The following GALNT15 variants were observed in gnomAD, a reference collection of about 807,000 sequenced individuals.
GALNT15 encodes the protein UDP-GalNAc transferase T15.
Under a neutral mutation model 66.8 loss-of-function variants are expected in GALNT15, and 67 were observed. The ratio of observed to expected loss-of-function variants is 1.00; its 90% CI spans 0.82 to 1.23. The LOEUF is 1.23. GALNT15 is among the 50% of genes most tolerant of loss of function. The pLI is 0.00. For missense variants in GALNT15, 827 were observed against 804.3 expected (o/e 1.03, Z -0.34); for synonymous variants, 313 against 311.5 (o/e 1.00, Z -0.05).
chr3:16,184,568 C>T lies in GALNT15; in HGVS notation c.539+8878C>T, dbSNP rs945803741. On this transcript the variant is annotated intron_variant, in intron 1 of 9. Transcript: ENST00000339732. This position sits in a 1 kb window ranked among gnomAD's most constrained non-coding sequence, Gnocchi z 5.0. ...TGATTTCACGTCCCTACATCCAGAA[C>T]GTCTCACTACAGCTGCTGAATAATG... Among the ~76,000 whole-genome samples the T allele has an allele frequency of 6.6e-6, 1 of 152,206 alleles. No individual in the cohort carries two copies.
At chr3:16,226,034 G>A (rs1210511503) in intron 9 of GALNT15, among the ~76,000 whole-genome samples, 2 of 149,042 alleles carry the variant, frequency 1.3e-5, no homozygotes, top group African/African-American at 4.9e-5. Flanking sequence ...GGGTGACAGA[G>A]CAAGACTCCT....
intron 6 of GALNT15, among the ~76,000 whole-genome samples, chr3:16,218,810 CTT>C (rs10538222): frequency 0.029 from 2,668 of 92,816 alleles, 31 homozygotes; most frequent in Middle Eastern, 0.078. Context: ...CTCTCTCTCT[CTT>C]TTTTTTTTTT....
downstream of GALNT15, chr3:16,232,005 A>T (rs78766429): frequency 9.0e-6 from 13 of 1,449,844 alleles, no homozygotes; most frequent in Non-Finnish European, 1.1e-5. Flanking sequence ...TGCTATCTTT[A>T]AAGTCATAAC....
At chr3:16,246,050 G>A in the GALNT15 span, among the ~76,000 whole-genome samples, 1 of 152,202 alleles carries the variant, frequency 6.6e-6, no homozygotes, top group East Asian at 1.9e-4. Flanking sequence ...CTTCAGCTTT[G>A]GATGGACCTT....
At chr3:16,194,747 G>A (rs1405734148) in intron 1 of GALNT15, among the ~76,000 whole-genome samples, 3 of 152,096 alleles carry the variant, frequency 2.0e-5, no homozygotes, top group Non-Finnish European at 2.9e-5. Flanking sequence ...ACCAAACACC[G>A]CATGTTCTCA....
rs2063483950 is a variant in GALNT15 at position 16,182,923 on chromosome 3, C to A, written c.539+7233C>A. 1 of 152,282 alleles carries A rather than the reference C, an allele frequency of 6.6e-6. No homozygotes were observed. Among genetic ancestry groups the A allele is most frequent in the Non-Finnish European group, 1.5e-5 (1 of 68,084 alleles). The allele number at this position is 152,282 out of a possible 1,614,324, so 9.4% of individuals were successfully genotyped here. A position where few individuals can be genotyped will look rare whatever the true frequency, so the allele number is the denominator to read the frequency against. On this transcript the variant is annotated intron_variant, in intron 1 of 9. Transcript: ENST00000339732. This position sits in a 1 kb window ranked among gnomAD's most constrained non-coding sequence, Gnocchi z 6.1. ...TCTATGACCTGCTATCAACTGCTCA[C>A]TTTTTGCATGTCTAAAGCTCACACT...
intron 6 of GALNT15, among the ~76,000 whole-genome samples, chr3:16,214,870 C>G (rs1546377): frequency 0.71 from 107,958 of 152,102 alleles, 38,564 homozygotes; most frequent in South Asian, 0.79. Context: ...CAGGGAGCAA[C>G]TGGCCTTCTA....
chr3:16,232,518 A>ATATATAT (rs1484870263), downstream of GALNT15, among the ~76,000 whole-genome samples: 105 of 113,260 alleles, frequency 9.3e-4, 8 homozygotes, highest in Non-Finnish European at 1.3e-3. Flanking sequence ...ATATTTATTT[A>ATATATAT]AAAGAGACAT....
At chr3:16,206,332 A>C (rs1212589169) in intron 3 of GALNT15, among the ~76,000 whole-genome samples, 4 of 150,914 alleles carry the variant, frequency 2.7e-5, no homozygotes, top group Non-Finnish European at 5.9e-5. Context: ...CAGTGAGCGC[A>C]GATTGTGCCA....
At chr3:16,213,051 G>A in intron 6 of GALNT15, among the ~76,000 whole-genome samples, 1 of 152,110 alleles carries the variant, frequency 6.6e-6, no homozygotes, top group Admixed American at 6.5e-5. Context: ...GGAGGGGTTG[G>A]CACAGAGAAG....
Position 16,177,880 on chromosome 3 carries a change from A to T in GALNT15, c.539+2190A>T, listed in dbSNP as rs568722985. Among the ~76,000 whole-genome samples the T allele has an allele frequency of 4.6e-5, 7 of 152,300 alleles. No homozygotes were observed. The South Asian group carries it at 1.4e-3, about 32-fold the overall frequency. On this transcript the variant is annotated intron_variant, in intron 1 of 9. Coordinates refer to ENST00000339732, the MANE Select transcript of GALNT15 (RefSeq NM_054110.5). Reference sequence around the variant, plus strand: ...GTGTTGTGTTTATTATGCATGTGGTATAAAGTGCATGGATATGTTGTATGT... The same window carrying T: ...GTGTTGTGTTTATTATGCATGTGGTTTAAAGTGCATGGATATGTTGTATGT...
Position 16,184,788 on chromosome 3 carries a change from T to C in GALNT15, c.539+9098T>C, listed in dbSNP as rs1340892036. 3.9e-5 allele frequency among the ~76,000 whole-genome samples: 6 copies of C among 152,230 alleles called. No individual in the cohort carries two copies. Among genetic ancestry groups the C allele is most frequent in the Non-Finnish European group, 7.3e-5 (5 of 68,040 alleles). ...CAAGGCAGCTACCTCTGTGGGCAGC[T>C]GGAGCTCAGCCCTTGGAGACAGTGT... On this transcript the variant is annotated intron_variant, in intron 1 of 9. Coordinates refer to ENST00000339732, the MANE Select transcript of GALNT15 (RefSeq NM_054110.5). This position sits in a 1 kb window ranked among gnomAD's most constrained non-coding sequence, Gnocchi z 5.0.
rs957253425 is a variant in GALNT15, at chr3:16,191,861, T to C, written c.540-3899T>C. 3.7e-4 allele frequency among the ~76,000 whole-genome samples: 57 copies of C among 152,368 alleles called. No individual in the cohort carries two copies. The highest frequency in any genetic ancestry group is 1.3e-3 in the African/African-American group (55 of 41,582). On this transcript the variant is annotated intron_variant, in intron 1 of 9. Transcript: ENST00000339732. This position sits in a 1 kb window ranked among gnomAD's most constrained non-coding sequence, Gnocchi z 5.2. ...TGAAAGTAGTTCAGTGGATGTCTCA[T>C]GCTATACTGTAGAATAGTTGTTTAA...
At chr3:16,232,500 ATATATATATATTTATT>A (rs1432766681), downstream of GALNT15, among the ~76,000 whole-genome samples, 882 of 88,662 alleles carry the variant, frequency 9.9e-3, 37 homozygotes, top group East Asian at 0.075. Context: ...ATATATATAT[ATATATATATATTTATT>A]TAAAAGAGAC....
intron 2 of GALNT15, among the ~76,000 whole-genome samples, chr3:16,197,619 A>G (rs1175459247): frequency 3.3e-5 from 5 of 152,226 alleles, no homozygotes; most frequent in Admixed American, 3.3e-4. Flanking sequence ...ATGGGCTTCC[A>G]AGCCGATGGT....
Position 16,211,374 on chromosome 3 carries a change from G to A in GALNT15, c.1197+133G>A, listed in dbSNP as rs2063813126. On this transcript the variant is annotated intron_variant, in intron 5 of 9. Coordinates refer to ENST00000339732, the MANE Select transcript of GALNT15 (RefSeq NM_054110.5). This position sits in a 1 kb window ranked among gnomAD's most constrained non-coding sequence, Gnocchi z 4.3. ...GGGAAAATTATAAAGTCATTCCTGT[G>A]TTGTGTGTCAAACCTCCCATTTCTC... 6 of 625,226 alleles carry A rather than the reference G, an allele frequency of 9.6e-6. No homozygotes were observed. In the East Asian group the frequency reaches 1.7e-4, roughly 18 times the overall value. The allele number at this position is 625,226 out of a possible 1,614,324, so 38.7% of individuals were successfully genotyped here. A position where few individuals can be genotyped will look rare whatever the true frequency, so the allele number is the denominator to read the frequency against.
chr3:16,215,739 G>A (rs1177899935), intron 6 of GALNT15, among the ~76,000 whole-genome samples: 9 of 151,840 alleles, frequency 5.9e-5, no homozygotes, highest in African/African-American at 1.9e-4. Flanking sequence ...GTGAAACCCC[G>A]TCTCCACTAA....
In GALNT15 at chr3:16,180,289, G is replaced by C. The variant is rs1431395858; in HGVS notation, c.539+4599G>C. On this transcript the variant is annotated intron_variant, in intron 1 of 9. Coordinates refer to ENST00000339732, the MANE Select transcript of GALNT15 (RefSeq NM_054110.5). This position sits in a 1 kb window ranked among gnomAD's most constrained non-coding sequence, Gnocchi z 5.0. ...CTCTTTATGCCGAACAGACTGGCCA[G>C]AGCAGTGCTCCTCAAACTTTAAGGT... Among the ~76,000 whole-genome samples the C allele has an allele frequency of 6.6e-6, 1 of 152,194 alleles. No individual in the cohort carries two copies. Among genetic ancestry groups the C allele is most frequent in the Non-Finnish European group, 1.5e-5 (1 of 68,036 alleles).
In GALNT15 at chr3:16,219,342, C is replaced by A; in HGVS notation, c.1393-61C>A. 6.3e-7 allele frequency: 1 copy of A among 1,596,000 alleles called. No homozygotes were observed. The highest frequency in any genetic ancestry group is 1.2e-5 in the South Asian group (1 of 86,940). On this transcript the variant is annotated intron_variant, in intron 6 of 9. Transcript: ENST00000339732. The surrounding 1 kb of genome is among the most constrained non-coding windows in gnomAD (Gnocchi z 4.3). ...TTCTTCCCAGCCACTCCATCCCCAA[C>A]CATGTGAATTCTGGGCAAGACAAGC...
Sources: allele counts gnomAD v4.1 joint callset (sites outside exome capture counted in the v4.1 genomes callset), GRCh38; gene constraint gnomAD v4.1.1; non-coding constraint Gnocchi (gnomAD v3.1); transcripts MANE v1.5; gene names NCBI Gene and HGNC (gene_info 2026-07-23, HGNC 2026-07-21).